Variants in TMEM131 observed in about 807,000 individuals in gnomAD.
The protein encoded by TMEM131 is transmembrane protein 131.
A neutral mutation model predicts 211.6 loss-of-function variants in TMEM131; 66 were observed. That is an observed-to-expected ratio of 0.31 (90% CI 0.26 to 0.38). TMEM131 has a LOEUF of 0.38. Among genes scored for constraint, TMEM131 ranks in the 10% least tolerant of loss-of-function variants. TMEM131 has a pLI of 1.00. For synonymous variants in TMEM131, 844 were observed against 841.3 expected (o/e 1.00, Z -0.06); for missense variants, 2,036 against 2,299.3 (o/e 0.89, Z 2.34).
At chr2:97,959,111 G>C (rs998792583) in intron 1 of TMEM131, among the ~76,000 whole-genome samples, 5 of 152,218 alleles carry the variant, frequency 3.3e-5, no homozygotes, top group Admixed American at 2.6e-4. Flanking sequence ...CTGAGTGGCA[G>C]AGAGAAGCCA....
At chr2:97,902,830 A>G (rs1675912527) in intron 3 of TMEM131, among the ~76,000 whole-genome samples, 1 of 152,128 alleles carries the variant, frequency 6.6e-6, no homozygotes, top group South Asian at 2.1e-4. Context: ...AAAACATGAA[A>G]AGAGAGATGG....
At position 97,812,622 on chromosome 2, in the gene TMEM131, TA is replaced by T. The variant is rs1298631047; in HGVS notation, c.1728+16del. ...TAAAATCCTTAAATGTGATTTAGAA[TA>T]AAAACAGGTTTTTACCTCAATTGGA... is the stretch of plus-strand genomic sequence containing the variant. On this transcript the variant is annotated intron_variant, in intron 16 of 40. Transcript: ENST00000186436. 2.5e-6 allele frequency: 4 copies of T among 1,581,966 alleles called. No individual in the cohort carries two copies. The highest frequency in any genetic ancestry group is 3.4e-6 in the Non-Finnish European group (4 of 1,167,520).
intron 2 of TMEM131, among the ~76,000 whole-genome samples, chr2:97,920,534 G>A (rs1302924541): frequency 6.6e-6 from 1 of 152,156 alleles, no homozygotes; most frequent in Non-Finnish European, 1.5e-5. Context: ...AGTTTATGGA[G>A]GTTGTTCAAA....
At chr2:97,847,738 T>C (rs1683515812) in intron 5 of TMEM131, among the ~76,000 whole-genome samples, 1 of 152,188 alleles carries the variant, frequency 6.6e-6, no homozygotes, top group Admixed American at 6.5e-5. Flanking sequence ...TCATATAAGT[T>C]CTTTAGTTAA....
At chr2:97,803,201 T>C (rs1681115943) in intron 22 of TMEM131, among the ~76,000 whole-genome samples, 1 of 152,240 alleles carries the variant, frequency 6.6e-6, no homozygotes, top group Non-Finnish European at 1.5e-5. Context: ...AAGGATCTTA[T>C]GTGCCTAGAG....
intron 5 of TMEM131, among the ~76,000 whole-genome samples, chr2:97,856,615 G>C (rs1344245235): frequency 6.6e-6 from 1 of 152,164 alleles, no homozygotes. Context: ...GGAATTCCGA[G>C]CATGACAAAG....
At chr2:97,961,444 T>C (rs1678812540) in intron 1 of TMEM131, among the ~76,000 whole-genome samples, 1 of 152,180 alleles carries the variant, frequency 6.6e-6, no homozygotes, top group South Asian at 2.1e-4. Flanking sequence ...GAGATGAATC[T>C]TGTTTGGGAT....
At chr2:97,927,741 T>C (rs990076748) in intron 1 of TMEM131, among the ~76,000 whole-genome samples, 1 of 152,100 alleles carries the variant, frequency 6.6e-6, no homozygotes, top group Admixed American at 6.5e-5. Context: ...CCATTACTGT[T>C]ATATTATGAG....
intron 7 of TMEM131, 119 bp from the exon 8 acceptor site, chr2:97,837,276 A>G (rs1172647800): frequency 1.5e-6 from 1 of 679,436 alleles, no homozygotes; most frequent in African/African-American, 1.9e-5. Context: ...ATTTAAAGAT[A>G]TAAACGTAGG....
At chr2:97,797,661 G>T in intron 25 of TMEM131, 145 bp from the exon 26 acceptor site, 1 of 656,280 alleles carries the variant, frequency 1.5e-6, no homozygotes. Flanking sequence ...TTAGATATGG[G>T]TTAGCTGGAA....
chr2:97,994,953 A>G (rs1436018576), intron 1 of TMEM131, among the ~76,000 whole-genome samples: 1 of 152,252 alleles, frequency 6.6e-6, no homozygotes, highest in Non-Finnish European at 1.5e-5. Context: ...GTTAAATGGA[A>G]TTGTATTTAG....
intron 1 of TMEM131, among the ~76,000 whole-genome samples, chr2:97,948,649 T>G (rs1254567871): frequency 7.5e-6 from 1 of 133,146 alleles, no homozygotes; most frequent in African/African-American, 2.5e-5. Context: ...ATGTCAGTAG[T>G]TTCTTTTTTT....
At chr2:97,910,987 G>A (rs754559547) in intron 2 of TMEM131, among the ~76,000 whole-genome samples, 5 of 152,100 alleles carry the variant, frequency 3.3e-5, no homozygotes, top group African/African-American at 7.2e-5. Context: ...ATAAATGTTC[G>A]TAGCAGCTTT....
intron 31 of TMEM131, among the ~76,000 whole-genome samples, chr2:97,784,121 T>C (rs1203692079): frequency 6.6e-6 from 1 of 151,334 alleles, no homozygotes; most frequent in Non-Finnish European, 1.5e-5. Flanking sequence ...AAAAGAGAAA[T>C]CCACAATTAC....
intron 33 of TMEM131, among the ~76,000 whole-genome samples, chr2:97,767,206 TTTTTATTGA>T (rs1270664193): frequency 6.6e-6 from 1 of 152,202 alleles, no homozygotes; most frequent in Non-Finnish European, 1.5e-5. Flanking sequence ...TTAAATATAT[TTTTTATTGA>T]TTTATTTAGA....
intron 4 of TMEM131, among the ~76,000 whole-genome samples, chr2:97,860,184 T>C (rs1190363359): frequency 6.6e-6 from 1 of 152,202 alleles, no homozygotes; most frequent in African/African-American, 2.4e-5. Flanking sequence ...TTTTTCTAAC[T>C]ACCTATACAC....
At chr2:97,955,314 G>A (rs2104547788) in intron 1 of TMEM131, among the ~76,000 whole-genome samples, 1 of 152,168 alleles carries the variant, frequency 6.6e-6, no homozygotes, top group South Asian at 2.1e-4. Flanking sequence ...GGAACAAACT[G>A]GAACTTCCTT....
At chr2:97,838,883 C>T (rs1683061125) in intron 7 of TMEM131, among the ~76,000 whole-genome samples, 1 of 152,162 alleles carries the variant, frequency 6.6e-6, no homozygotes. Context: ...TGTTACAGTG[C>T]TCATCTATAG....
At chr2:97,816,544 C>A (rs1681836143) in intron 12 of TMEM131, among the ~76,000 whole-genome samples, 1 of 152,100 alleles carries the variant, frequency 6.6e-6, no homozygotes, top group African/African-American at 2.4e-5. Flanking sequence ...TGTCATCCAA[C>A]CTCATGACAA....
Sources: allele counts gnomAD v4.1 joint callset (sites outside exome capture counted in the v4.1 genomes callset), GRCh38; gene constraint gnomAD v4.1.1; transcripts MANE v1.5; gene names NCBI Gene and HGNC (gene_info 2026-07-23, HGNC 2026-07-21).